NRG4: variants seen among roughly 807,000 people sequenced by gnomAD.
NRG4 encodes the protein neuregulin 4, also known as pro-neuregulin-4, membrane-bound isoform.
In NRG4, 10 loss-of-function variants were observed where a neutral mutation model predicts 15.0. The observed-to-expected ratio is 0.67, with a 90% CI of 0.41 to 1.13. The LOEUF (loss-of-function observed/expected upper bound fraction) is 1.13, where lower values mean the gene tolerates loss of function less well. Ranked by LOEUF, NRG4 falls within the 50% of genes most tolerant of loss-of-function variation. The pLI, the probability that NRG4 is intolerant of heterozygous loss-of-function variation, is 0.00. For missense variants in NRG4, 139 were observed against 140.2 expected (o/e 0.99, Z 0.04); for synonymous variants, 41 against 50.1 (o/e 0.82, Z 0.77).
intron 4 of NRG4, among the ~76,000 whole-genome samples, chr15:76,040,019 T>G (rs541762445): frequency 1.3e-5 from 2 of 150,826 alleles, no homozygotes; most frequent in African/African-American, 4.9e-5. Flanking sequence ...GGCAACAAAG[T>G]GAGACTCTGT....
intron 4 of NRG4, among the ~76,000 whole-genome samples, chr15:76,051,841 G>C (rs2036028871): frequency 6.6e-6 from 1 of 150,730 alleles, no homozygotes; most frequent in Admixed American, 6.6e-5. Context: ...AAAGTGCTAG[G>C]ATTACAGGCG....
Position 76,018,268 on chromosome 15 carries a change from G to A in NRG4, c.-56-6982C>T, listed in dbSNP as rs183043684. Among the ~76,000 whole-genome samples the A allele has an allele frequency of 4.8e-4, 73 of 152,228 alleles. No individual in the cohort carries two copies. In the Middle Eastern group the frequency reaches 0.01, roughly 21 times the overall value. ...TTCTTAGCTTCCTTGCATTGAGTTA[G>A]AATATCCTCCTTTAGCTTGGAGGAG... On this transcript the variant is annotated intron_variant, in intron 5 of 8. Transcript: ENST00000563910.
chr15:76,040,688 C>T lies in NRG4; in HGVS notation c.-104-4697G>A, dbSNP rs900594437. On this transcript the variant is annotated intron_variant, in intron 4 of 8. Coordinates refer to the NRG4 transcript ENST00000563910. ...ATCCCAGCACCTTGGGAAGCCAAGG[C>T]AGGCAGATCACAGATCATTTGAGGT... Among the ~76,000 whole-genome samples, 6 of 152,140 alleles carry T rather than the reference C, an allele frequency of 3.9e-5. No homozygotes were observed. The East Asian group carries it at 7.7e-4, about 20-fold the overall frequency.
At chr15:75,944,984 A>G (rs1363551515) in intron 5 of NRG4, among the ~76,000 whole-genome samples, 4 of 151,702 alleles carry the variant, frequency 2.6e-5, no homozygotes, top group Admixed American at 1.3e-4. Flanking sequence ...TGTCTTTATA[A>G]AGTCAAGCTG....
At chr15:76,011,880 C>G (rs956684249) in intron 1 of NRG4, 4 of 151,984 alleles carry the variant, frequency 2.6e-5, no homozygotes, top group Non-Finnish European at 5.9e-5. Context: ...AAAATGTTAA[C>G]CCCACACACA....
intron 3 of NRG4, among the ~76,000 whole-genome samples, chr15:75,967,112 CAA>C (rs1300663699): frequency 4.7e-4 from 24 of 51,176 alleles, no homozygotes; most frequent in Admixed American, 1.1e-3. Context: ...GACTCCGTCT[CAA>C]AAAAAAAAAA....
chr15:76,007,978 G>A (rs958756708), intron 3 of NRG4, among the ~76,000 whole-genome samples: 1 of 152,082 alleles, frequency 6.6e-6, no homozygotes, highest in Non-Finnish European at 1.5e-5. Flanking sequence ...GTGTTTGTGA[G>A]AATTAAGTGT....
intron 3 of NRG4, among the ~76,000 whole-genome samples, chr15:76,003,998 G>C (rs548370817): frequency 1.3e-5 from 2 of 152,220 alleles, no homozygotes; most frequent in African/African-American, 4.8e-5. Flanking sequence ...TTAAAAGCTA[G>C]TATTATCATA....
At chr15:76,037,430 A>G (rs2035621379) in intron 4 of NRG4, among the ~76,000 whole-genome samples, 1 of 152,060 alleles carries the variant, frequency 6.6e-6, no homozygotes, top group Admixed American at 6.5e-5. Context: ...TTTACATTGA[A>G]CTCAGTGCTG....
chr15:75,955,975 A>C lies in NRG4; in HGVS notation c.288T>G (p.Tyr96Ter). The change falls in exon 5 of 6, where the codon TAT (tyrosine) becomes TAG (stop). Residue 96 changes from tyrosine to a stop codon, truncating the protein, a stop_gained. Coordinates refer to ENST00000394907, the MANE Select transcript of NRG4 (RefSeq NM_138573.4). LOFTEE classifies it high-confidence loss of function. ...GHFQRASSVQ[Y>*]DINLVETSST... ...TGCTCGTCTCTACCAGGTTGATATC[A>C]TACTGGACTGAACTGGCTCTCTGAA... The C allele has an allele frequency of 6.2e-7, 1 of 1,612,210 alleles. No individual in the cohort carries two copies.
intron 4 of NRG4, among the ~76,000 whole-genome samples, chr15:76,045,321 ACACT>A (rs1307052362): frequency 6.6e-6 from 1 of 151,092 alleles, no homozygotes; most frequent in Non-Finnish European, 1.5e-5. Flanking sequence ...AGAAAGGGAA[ACACT>A]CACATACTGT....
intron 2 of NRG4, among the ~76,000 whole-genome samples, chr15:76,056,409 G>C (rs2036152499): frequency 6.6e-6 from 1 of 151,932 alleles, no homozygotes. Context: ...AGTCAGCCGA[G>C]ATTGCGCCAT....
intron 3 of NRG4, among the ~76,000 whole-genome samples, chr15:75,972,313 G>A (rs368704750): frequency 1.1e-3 from 172 of 152,234 alleles, no homozygotes; most frequent in African/African-American, 4.0e-3. Flanking sequence ...CTCACATTCT[G>A]TAGGTTGCCT....
intron 3 of NRG4, among the ~76,000 whole-genome samples, chr15:75,967,456 ATTTTTTTTT>A (rs71140189): frequency 4.0e-5 from 4 of 100,178 alleles, no homozygotes; most frequent in African/African-American, 1.4e-4. Flanking sequence ...AAAATCTTAG[ATTTTTTTTT>A]TTTTTTTTTT....
At chr15:75,956,049 G>T in intron 4 of NRG4, 38 bp from the exon 5 acceptor site, 2 of 1,216,250 alleles carry the variant, frequency 1.6e-6, no homozygotes, top group Non-Finnish European at 2.4e-6. Context: ...AAATGGAAGT[G>T]TAATAGGAAA....
At chr15:75,996,481 G>C (rs966144338) in intron 3 of NRG4, among the ~76,000 whole-genome samples, 5 of 152,090 alleles carry the variant, frequency 3.3e-5, no homozygotes, top group Non-Finnish European at 5.9e-5. Context: ...TGTGTGTTTA[G>C]CTATAGAAGA....
intron 5 of NRG4, among the ~76,000 whole-genome samples, chr15:76,024,997 CAT>C (rs981192653): frequency 2.0e-5 from 3 of 152,114 alleles, no homozygotes; most frequent in Admixed American, 2.0e-4. Flanking sequence ...ACAACAAAAA[CAT>C]AGGCAGAAAA....
At chr15:75,961,733 G>A in intron 4 of NRG4, 95 bp downstream of exon 4, 1 of 869,658 alleles carries the variant, frequency 1.1e-6, no homozygotes, top group Admixed American at 2.4e-5. Flanking sequence ...TACAGTATCT[G>A]GAAAAATATC....
chr15:76,050,597 ATTTTTTTT>A (rs35228253), intron 4 of NRG4, among the ~76,000 whole-genome samples: 8 of 108,940 alleles, frequency 7.3e-5, no homozygotes, highest in Admixed American at 1.9e-4. Context: ...CGCTCGGCTA[ATTTTTTTT>A]TTTTTTTTTT....
Sources: gnomAD v4.1 joint callset for allele counts (sites outside exome capture counted in the v4.1 genomes callset) on GRCh38, gnomAD v4.1.1 for gene constraint, MANE v1.5 for transcripts, NCBI Gene and HGNC (gene_info 2026-07-23, HGNC 2026-07-21) for gene names.